The following PHLPP1 variants were observed in gnomAD, a reference collection of about 807,000 sequenced individuals.
PHLPP1 encodes PH domain and leucine rich repeat protein phosphatase 1, also known as PH domain leucine-rich repeat-containing protein phosphatase 1.
A neutral mutation model predicts 117.2 loss-of-function variants in PHLPP1; 42 were observed. That is an observed-to-expected ratio of 0.36 (90% CI 0.28 to 0.46). PHLPP1 has a LOEUF of 0.46. Among genes scored for constraint, PHLPP1 ranks in the 20% least tolerant of loss-of-function variants. PHLPP1 has a pLI of 1.00. For missense variants in PHLPP1, 2,084 were observed against 2,241.9 expected (o/e 0.93, Z 1.42); for synonymous variants, 1,042 against 970.7 (o/e 1.07, Z -1.37).
At chr18:62,885,140 T>C (rs559466301) in intron 4 of PHLPP1, among the ~76,000 whole-genome samples, 1 of 152,380 alleles carries the variant, frequency 6.6e-6, no homozygotes, top group African/African-American at 2.4e-5. Flanking sequence ...GCACATCTTA[T>C]GACAAAACAA....
At chr18:62,808,532 A>G (rs8090037) in intron 1 of PHLPP1, among the ~76,000 whole-genome samples, 31,833 of 150,868 alleles carry the variant, frequency 0.21, 5,092 homozygotes, top group African/African-American at 0.45. Flanking sequence ...ACTTTTGTTT[A>G]GAATTCATCT....
At chr18:62,965,508 G>A (rs1383701434) in intron 14 of PHLPP1, among the ~76,000 whole-genome samples, 8 of 129,596 alleles carry the variant, frequency 6.2e-5, no homozygotes, top group Admixed American at 9.3e-5. Flanking sequence ...CGCCCAGGCC[G>A]GAGTGCAATG....
In PHLPP1 at chr18:62,929,515, AT is replaced by A. The variant is rs1909744760; in HGVS notation, c.2960+9402del. On this transcript the variant is annotated intron_variant, in intron 10 of 16. Coordinates refer to ENST00000262719, the MANE Select transcript of PHLPP1 (RefSeq NM_194449.4). Reference sequence around the variant, plus strand: ...GCGTGATGTACCAGAGGATGAACTTATCCCACCAAGAAATAACTAGTATATT... The same window carrying A: ...GCGTGATGTACCAGAGGATGAACTTACCCACCAAGAAATAACTAGTATATT... Among the ~76,000 whole-genome samples the A allele has an allele frequency of 3.9e-5, 6 of 152,338 alleles. No homozygotes were observed. In the South Asian group the frequency reaches 1.2e-3, roughly 32 times the overall value.
intron 8 of PHLPP1, among the ~76,000 whole-genome samples, chr18:62,913,003 C>G (rs981464258): frequency 6.6e-6 from 1 of 152,136 alleles, no homozygotes; most frequent in African/African-American, 2.4e-5. Flanking sequence ...CATTGAAACC[C>G]CTAAGTGAGA....
In PHLPP1 at chr18:62,765,119, C is replaced by T. The variant is rs1014311135; in HGVS notation, c.1576+47860C>T. ...CCTCCAAGTCACTCAGGATTGTTAC[C>T]GTGAAATCATCCAGAATTCTGTCTC... On this transcript the variant is annotated intron_variant, in intron 1 of 16. Coordinates refer to ENST00000262719, the MANE Select transcript of PHLPP1 (RefSeq NM_194449.4). 3.3e-5 allele frequency among the ~76,000 whole-genome samples: 5 copies of T among 152,286 alleles called. No individual in the cohort carries two copies. In the East Asian group the frequency reaches 5.8e-4, roughly 18 times the overall value.
At chr18:62,811,221 T>C (rs1263559870) in intron 1 of PHLPP1, among the ~76,000 whole-genome samples, 1 of 152,206 alleles carries the variant, frequency 6.6e-6, no homozygotes, top group Non-Finnish European at 1.5e-5. Flanking sequence ...ATGGTAACAT[T>C]AAATAGGGAT....
chr18:62,844,471 C>G (rs1316218913), intron 3 of PHLPP1, among the ~76,000 whole-genome samples: 1 of 151,960 alleles, frequency 6.6e-6, no homozygotes, highest in South Asian at 2.1e-4. Flanking sequence ...ATCAAATATT[C>G]TGAAGTAGAG....
intron 4 of PHLPP1, among the ~76,000 whole-genome samples, chr18:62,888,767 T>A (rs1199145587): frequency 6.6e-6 from 1 of 152,194 alleles, no homozygotes; most frequent in African/African-American, 2.4e-5. Context: ...AGTCTTATAT[T>A]TTATTACAGA....
chr18:62,964,673 G>A (rs560145929), intron 14 of PHLPP1, among the ~76,000 whole-genome samples: 1 of 152,308 alleles, frequency 6.6e-6, no homozygotes, highest in South Asian at 2.1e-4. Flanking sequence ...ATGTCATTGT[G>A]TTGGGACAGA....
intron 1 of PHLPP1, among the ~76,000 whole-genome samples, chr18:62,749,094 A>G (rs1193906324): frequency 6.6e-6 from 1 of 152,170 alleles, no homozygotes; most frequent in African/African-American, 2.4e-5. Flanking sequence ...CTTCATTTGT[A>G]GGTGTTACAC....
intron 3 of PHLPP1, among the ~76,000 whole-genome samples, chr18:62,841,906 G>A (rs1270454307): frequency 6.6e-6 from 1 of 152,182 alleles, no homozygotes; most frequent in Admixed American, 6.5e-5. Flanking sequence ...GAGAAGCTGT[G>A]TAGTGTTGGG....
intron 1 of PHLPP1, among the ~76,000 whole-genome samples, chr18:62,750,396 A>G (rs183978688): frequency 1.8e-3 from 277 of 152,106 alleles, no homozygotes; most frequent in African/African-American, 6.5e-3. Flanking sequence ...CCATCCCTCT[A>G]TACAGACACA....
intron 1 of PHLPP1, among the ~76,000 whole-genome samples, chr18:62,754,724 C>T (rs1336593406): frequency 2.6e-5 from 4 of 152,116 alleles, no homozygotes; most frequent in African/African-American, 9.7e-5. Flanking sequence ...ATAAGGGTAA[C>T]AATGATATAT....
chr18:62,931,594 A>G (rs1909808470), intron 10 of PHLPP1, among the ~76,000 whole-genome samples: 1 of 119,614 alleles, frequency 8.4e-6, no homozygotes, highest in Non-Finnish European at 1.9e-5. Flanking sequence ...TACTCGCTAG[A>G]TTAACAAAAA....
chr18:62,781,799 A>C (rs1913127199), intron 1 of PHLPP1, among the ~76,000 whole-genome samples: 1 of 152,132 alleles, frequency 6.6e-6, no homozygotes. Flanking sequence ...ACTTTGATTT[A>C]TTGTATTTTC....
At chr18:62,760,332 T>A (rs781367953) in intron 1 of PHLPP1, among the ~76,000 whole-genome samples, 1 of 152,206 alleles carries the variant, frequency 6.6e-6, no homozygotes, top group East Asian at 1.9e-4. Flanking sequence ...CATTTTATAT[T>A]ACTTGCCTTG....
chr18:62,902,967 G>T lies in PHLPP1; in HGVS notation c.2448G>T (p.Leu816Phe). 1 of 1,606,680 alleles carries T rather than the reference G, an allele frequency of 6.2e-7. No homozygotes were observed. Residue 816 changes from leucine to phenylalanine, a missense_variant, in exon 7 of 17, where the codon TTG becomes TTT. Coordinates refer to ENST00000262719, the MANE Select transcript of PHLPP1 (RefSeq NM_194449.4). The stretch of plus-strand genomic sequence containing the variant: ...CTCTATGTCCTTTGCCCTCAAGGTT[G>T]AACGTAATTAGGAAGCTGATAGCAG... ...MPHIKHVDLR[L>F]NVIRKLIADE... is the part of the protein sequence containing the mutation.
At chr18:62,931,697 A>G (rs1478307639) in intron 10 of PHLPP1, among the ~76,000 whole-genome samples, 1 of 151,900 alleles carries the variant, frequency 6.6e-6, no homozygotes, top group African/African-American at 2.4e-5. Context: ...GTTTGAGACC[A>G]GCCTGGCCAA....
At chr18:62,801,988 T>C (rs1203134735) in intron 1 of PHLPP1, among the ~76,000 whole-genome samples, 1 of 152,022 alleles carries the variant, frequency 6.6e-6, no homozygotes, top group Non-Finnish European at 1.5e-5. Context: ...ATTTTTACTT[T>C]TTCTATTTTT....
Sources: gnomAD v4.1 joint callset for allele counts (sites outside exome capture counted in the v4.1 genomes callset) on GRCh38, gnomAD v4.1.1 for gene constraint, MANE v1.5 for transcripts, NCBI Gene and HGNC (gene_info 2026-07-23, HGNC 2026-07-21) for gene names.